DMD: variants seen among roughly 807,000 people sequenced by gnomAD.
DMD encodes the protein mutant dystrophin.
A neutral mutation model predicts 330.1 loss-of-function variants in DMD; 63 were observed. That is an observed-to-expected ratio of 0.19 (90% CI 0.16 to 0.24). The LOEUF (loss-of-function observed/expected upper bound fraction) is 0.24, where lower values mean the gene tolerates loss of function less well. DMD is among the 10% of genes least tolerant of loss of function. DMD has a pLI of 1.00. For missense variants in DMD, 3,344 were observed against 2,684.1 expected, an observed-to-expected ratio of 1.25 and a Z score of -5.43; for synonymous variants, 1,223 against 959.8, an observed-to-expected ratio of 1.27 and a Z score of -5.07.
intron 56 of DMD, 138 bp downstream of exon 56, chrX:31,507,143 T>C: frequency 1.6e-6 from 1 of 616,080 alleles, no homozygotes; most frequent in East Asian, 3.4e-5. Context: ...GATTCATTTA[T>C]TCAAAATACA....
intron 48 of DMD, among the ~76,000 whole-genome samples, chrX:31,870,750 C>T (rs2093877334): frequency 9.0e-6 from 1 of 111,442 alleles, no homozygotes; most frequent in Admixed American, 9.5e-5. Flanking sequence ...CAATTATGCT[C>T]CTTATACTGC....
In DMD at chrX:31,546,470, A is replaced by T. The variant is rs769074555; in HGVS notation, c.8218-39017T>A. ...ACTGAAACCTAGCTGGTACCTAAGA[A>T]TTGCTTCTTTCTAAATAAAGCCTAC... On this transcript the variant is annotated intron_variant, in intron 55 of 78. Coordinates refer to ENST00000357033, the MANE Select transcript of DMD (RefSeq NM_004006.3). Among the ~76,000 whole-genome samples the T allele has an allele frequency of 1.3e-3, 149 of 112,056 alleles. 1 individual carries two copies. The highest frequency in any genetic ancestry group is 4.7e-3 in the African/African-American group (145 of 30,880).
intron 53 of DMD, among the ~76,000 whole-genome samples, chrX:31,678,170 A>C (rs1489262658): frequency 8.9e-6 from 1 of 112,175 alleles, no homozygotes; most frequent in African/African-American, 3.2e-5. Flanking sequence ...TTCATTTCTT[A>C]CTATAGCTTA....
chrX:32,517,050 C>G (rs1425553433), intron 18 of DMD: 2 of 110,910 alleles, frequency 1.8e-5, no homozygotes, highest in Non-Finnish European at 3.8e-5. Flanking sequence ...TTGTTGATCT[C>G]CAAAAGTTCC....
At chrX:32,068,974 T>C (rs922663249) in intron 44 of DMD, among the ~76,000 whole-genome samples, 1 of 111,762 alleles carries the variant, frequency 8.9e-6, no homozygotes, top group East Asian at 2.8e-4. Context: ...AGAGACATTT[T>C]AGTCATTTGG....
chrX:33,172,237 T>C (rs1293296874), intron 1 of DMD, among the ~76,000 whole-genome samples: 1 of 111,246 alleles, frequency 9.0e-6, no homozygotes. Flanking sequence ...GCCATACTTT[T>C]ATTTCCTTTG....
intron 2 of DMD, among the ~76,000 whole-genome samples, chrX:32,911,520 T>C (rs952621850): frequency 1.8e-5 from 2 of 112,299 alleles, no homozygotes; most frequent in Non-Finnish European, 3.8e-5. Flanking sequence ...TAAAGGAATA[T>C]ACATTTAATA....
At position 32,400,245 on chromosome X, in the gene DMD, G is replaced by T. The variant is rs778982967; in HGVS notation, c.4234-10064C>A. 3.5e-3 allele frequency among the ~76,000 whole-genome samples: 393 copies of T among 111,729 alleles called. 2 individuals carry two copies. The highest frequency in any genetic ancestry group is 0.012 in the African/African-American group (366 of 30,753). On this transcript the variant is annotated intron_variant, in intron 30 of 78. Coordinates refer to ENST00000357033, the MANE Select transcript of DMD (RefSeq NM_004006.3). ...TGGTTTTTGTCTTTGGCTCTGTTTA[G>T]ATGCTGGATTACATTTATTGATTTG... is the stretch of plus-strand genomic sequence containing the variant.
chrX:32,382,343 T>C (rs896709529), intron 33 of DMD, among the ~76,000 whole-genome samples: 3 of 79,400 alleles, frequency 3.8e-5, no homozygotes, highest in East Asian at 4.2e-4. Context: ...CTGATACATA[T>C]ATTTATGTCA....
intron 57 of DMD, among the ~76,000 whole-genome samples, chrX:31,493,252 C>A (rs1284556255): frequency 8.9e-6 from 1 of 111,874 alleles, no homozygotes; most frequent in Admixed American, 9.5e-5. Flanking sequence ...TCCCAAAAAT[C>A]TTCTTGAAGG....
intron 2 of DMD, among the ~76,000 whole-genome samples, chrX:32,909,418 T>A (rs1713022252): frequency 9.0e-6 from 1 of 111,614 alleles, no homozygotes; most frequent in African/African-American, 3.2e-5. Context: ...AGTATTTCCG[T>A]GGGGGTAATG....
In DMD at chrX:31,478,356, C is replaced by A; in HGVS notation, c.8687G>T (p.Arg2896Ile). 1 of 1,211,827 alleles carries A rather than the reference C, an allele frequency of 8.3e-7. No homozygotes were observed. The highest frequency in any genetic ancestry group is 1.1e-6 in the Non-Finnish European group (1 of 895,583). The change falls in exon 59 of 79, where the codon AGA becomes ATA. Residue 2896 changes from arginine to isoleucine, a missense_variant. Physicochemically the swap from Arg to Ile is moderately conservative, Grantham distance 97 (BLOSUM62 -3). Coordinates refer to ENST00000357033, the MANE Select transcript of DMD (RefSeq NM_004006.3). Reference sequence around the variant, plus strand: ...TAGAAGCCGAGTGACATTCTGGGCTCTCTCCTCAGGAGGCAGCTCTAAATT... The same window carrying A: ...TAGAAGCCGAGTGACATTCTGGGCTATCTCCTCAGGAGGCAGCTCTAAATT... ...QEPRELPPEE[R>I]AQNVTRLLRK...
intron 68 of DMD, among the ~76,000 whole-genome samples, chrX:31,182,320 C>T (rs144163605): frequency 0.013 from 1,428 of 111,963 alleles, 23 homozygotes; most frequent in African/African-American, 0.042. Flanking sequence ...ATGGTTCCTC[C>T]CAGAATAGAA....
rs1556698907 is a variant in DMD at position 31,569,652 on chromosome X, A to ATATATACG, written c.8217+58013_8217+58020dup. Among the ~76,000 whole-genome samples the ATATATACG allele has an allele frequency of 2.5e-3, 234 of 92,857 alleles. 2 individuals carry two copies. Among genetic ancestry groups the ATATATACG allele is most frequent in the Admixed American group, 5.4e-3 (46 of 8,590 alleles). 80.6% of individuals were successfully genotyped at this position (92,857 alleles called of 115,157 possible). A position where few individuals can be genotyped will look rare whatever the true frequency, so the allele number is the denominator to read the frequency against. On this transcript the variant is annotated intron_variant, in intron 55 of 78. Transcript: ENST00000357033. ...TATACGTATATATATGTATATACGTATATATACGTATATATACGTATATAT... is the reference window on the plus strand; with the variant it reads ...TATACGTATATATATGTATATACGTATATATACGTATATACGTATATATACGTATATAT...
At chrX:33,124,893 G>A (rs1225335072) in intron 1 of DMD, among the ~76,000 whole-genome samples, 1 of 107,567 alleles carries the variant, frequency 9.3e-6, no homozygotes, top group Admixed American at 1.0e-4. Context: ...GTGTGGTGGT[G>A]CATGCCTGTA....
intron 60 of DMD, among the ~76,000 whole-genome samples, chrX:31,399,956 A>C: frequency 8.9e-6 from 1 of 111,761 alleles, no homozygotes; most frequent in East Asian, 2.8e-4. Context: ...TGTGGCCCCA[A>C]ATTTTCTAAA....
chrX:32,396,463 A>T (rs1431138496), intron 30 of DMD, among the ~76,000 whole-genome samples: 1 of 111,419 alleles, frequency 9.0e-6, no homozygotes, highest in African/African-American at 3.3e-5. Flanking sequence ...CATTGAGTAG[A>T]TTATGCATTA....
intron 1 of DMD, among the ~76,000 whole-genome samples, chrX:33,256,583 G>A: frequency 9.1e-6 from 1 of 109,346 alleles, no homozygotes; most frequent in East Asian, 2.8e-4. Flanking sequence ...ATTTAAAATA[G>A]AAACCTACTT....
intron 9 of DMD, among the ~76,000 whole-genome samples, chrX:32,652,686 G>C (rs2060252780): frequency 9.0e-6 from 1 of 111,043 alleles, no homozygotes; most frequent in African/African-American, 3.3e-5. Flanking sequence ...GGATAAAATG[G>C]GATGGCTGGG....
Sources: allele counts gnomAD v4.1 joint callset (sites outside exome capture counted in the v4.1 genomes callset), GRCh38; gene constraint gnomAD v4.1.1; transcripts MANE v1.5; gene names NCBI Gene and HGNC (gene_info 2026-07-23, HGNC 2026-07-21).